MAML1: variants seen among roughly 807,000 people sequenced by gnomAD.
MAML1 encodes mastermind-like protein 1.
Under a neutral mutation model 77.1 loss-of-function variants are expected in MAML1, and 14 were observed. The observed-to-expected ratio is 0.18, with a 90% CI of 0.12 to 0.28. The LOEUF (loss-of-function observed/expected upper bound fraction) is 0.28. Ranked by LOEUF, MAML1 falls within the 10% of genes least tolerant of loss-of-function variation. The pLI is 1.00. For synonymous variants in MAML1, 516 were observed against 551.9 expected (o/e 0.93, Z 0.91); for missense variants, 1,217 against 1,327.8 (o/e 0.92, Z 1.30).
intron 1 of MAML1, 48 bp from the exon 2 acceptor site, chr5:179,765,278 A>G (rs377200438): frequency 4.7e-6 from 7 of 1,504,130 alleles, no homozygotes; most frequent in African/African-American, 1.4e-5. Context: ...CTGTCATAGC[A>G]GAGCAAATTC....
rs979802336 is a variant in MAML1, at chr5:179,774,752, G to A, written c.2926G>A (p.Gly976Arg). 90 of 1,613,034 alleles carry A rather than the reference G, an allele frequency of 5.6e-5. No individual in the cohort carries two copies. The highest frequency in any genetic ancestry group is 7.2e-5 in the Non-Finnish European group (85 of 1,180,028). The change falls in exon 5 of 5, where the codon GGG (glycine) becomes AGG (arginine). Residue 976 changes from glycine (G) to arginine (R), a missense_variant. Physicochemically the swap from Gly to Arg is moderately radical, Grantham distance 125. Coordinates refer to ENST00000292599, the MANE Select transcript of MAML1 (RefSeq NM_014757.5). ...AGQELPFAYSGQPGGSGLSSV... is the reference protein window; with the variant it reads ...AGQELPFAYSRQPGGSGLSSV... ...CCAGGAGCTGCCTTTTGCCTATAGC[G>A]GGCAGCCAGGTGGCAGTGGGCTCTC... is the stretch of plus-strand genomic sequence containing the variant.
chr5:179,756,409 CGACA>C (rs1562562899), intron 1 of MAML1, among the ~76,000 whole-genome samples: 1 of 142,798 alleles, frequency 7.0e-6, no homozygotes, highest in Admixed American at 7.4e-5. Context: ...TGGGCCTGGG[CGACA>C]GACAGAGCGG....
chr5:179,746,751 C>A (rs1562552964), intron 1 of MAML1, among the ~76,000 whole-genome samples: 2 of 152,226 alleles, frequency 1.3e-5, no homozygotes, highest in African/African-American at 4.8e-5. Context: ...ATTAACTTAT[C>A]AGTTGACAAC....
intron 1 of MAML1, among the ~76,000 whole-genome samples, chr5:179,764,622 T>C (rs1433732121): frequency 6.7e-6 from 1 of 148,646 alleles, no homozygotes; most frequent in African/African-American, 2.5e-5. Flanking sequence ...ATCACGCCAT[T>C]GCACTCCAGC....
chr5:179,733,689 G>A (rs1220164773), intron 1 of MAML1, among the ~76,000 whole-genome samples: 2 of 152,250 alleles, frequency 1.3e-5, no homozygotes, highest in Non-Finnish European at 2.9e-5. Flanking sequence ...TAACCGGAGG[G>A]TTTTTCTTCC....
chr5:179,737,772 T>C (rs368242100), intron 1 of MAML1, among the ~76,000 whole-genome samples: 1 of 152,246 alleles, frequency 6.6e-6, no homozygotes, highest in East Asian at 1.9e-4. Flanking sequence ...TTTTTCTCTA[T>C]TCTAATTTTC....
intron 1 of MAML1, among the ~76,000 whole-genome samples, chr5:179,734,638 C>T (rs1268275631): frequency 2.6e-5 from 4 of 152,114 alleles, no homozygotes; most frequent in African/African-American, 9.7e-5. Flanking sequence ...ATTATCGCCC[C>T]GTGTTCTTTC....
intron 1 of MAML1, among the ~76,000 whole-genome samples, chr5:179,764,986 AATATATATATG>A (rs1168977968): frequency 1.0e-5 from 1 of 100,262 alleles, no homozygotes; most frequent in Non-Finnish European, 2.2e-5. Flanking sequence ...ATATATATAT[AATATATATATG>A]TGTGTGTGTG....
intron 1 of MAML1, among the ~76,000 whole-genome samples, chr5:179,743,905 T>C (rs971541638): frequency 6.6e-6 from 1 of 152,174 alleles, no homozygotes; most frequent in Non-Finnish European, 1.5e-5. Context: ...GGTATATAAC[T>C]TCCAGAGAAT....
intron 1 of MAML1, among the ~76,000 whole-genome samples, chr5:179,735,532 T>G (rs922252031): frequency 6.7e-6 from 1 of 149,618 alleles, no homozygotes; most frequent in African/African-American, 2.5e-5. Flanking sequence ...GGATTACAGG[T>G]GCTGGCCACC....
Position 179,732,883 on chromosome 5 carries a change from C to T in MAML1, c.-230C>T, listed in dbSNP as rs978989287. On this transcript the variant is annotated 5_prime_UTR_variant, in exon 1 of 5. Transcript: ENST00000292599. Reference sequence around the variant, plus strand: ...GCGGTAGCGCGGAAAACAATGGGGCCGGGGCGGTGGGGAGAGGCCGAGGCT... The same window carrying T: ...GCGGTAGCGCGGAAAACAATGGGGCTGGGGCGGTGGGGAGAGGCCGAGGCT... 1 of 264,404 alleles carries T rather than the reference C, an allele frequency of 3.8e-6. No homozygotes were observed. The highest frequency in any genetic ancestry group is 7.1e-6 in the Non-Finnish European group (1 of 141,386). The allele number at this position is 264,404 out of a possible 1,614,324, so 16.4% of individuals were successfully genotyped here. A position where few individuals can be genotyped will look rare whatever the true frequency, so the allele number is the denominator to read the frequency against.
intron 1 of MAML1, among the ~76,000 whole-genome samples, chr5:179,736,805 T>TA (rs753328700): frequency 6.6e-6 from 1 of 151,508 alleles, no homozygotes; most frequent in Admixed American, 6.6e-5. Flanking sequence ...CTACTAAAAA[T>TA]ACAAAAATTA....
chr5:179,745,158 G>T (rs973615874), intron 1 of MAML1, among the ~76,000 whole-genome samples: 3 of 151,878 alleles, frequency 2.0e-5, no homozygotes, highest in African/African-American at 7.2e-5. Context: ...GCCTGCCTCG[G>T]CCTCCCAAAG....
chr5:179,751,964 A>G (rs1779496475), intron 1 of MAML1, among the ~76,000 whole-genome samples: 1 of 152,070 alleles, frequency 6.6e-6, no homozygotes, highest in African/African-American at 2.4e-5. Flanking sequence ...TGATTGCACC[A>G]CTGCACTCCA....
rs1261105234 is a variant in MAML1, at chr5:179,769,585, T to G, written c.1971+496T>G. 1.3e-5 allele frequency among the ~76,000 whole-genome samples: 2 copies of G among 152,102 alleles called. No homozygotes were observed. Among genetic ancestry groups the G allele is most frequent in the African/African-American group, 4.8e-5 (2 of 41,428 alleles). On this transcript the variant is annotated intron_variant, in intron 3 of 4. Transcript: ENST00000292599. The surrounding 1 kb of genome is among the most constrained non-coding windows in gnomAD (Gnocchi z 4.2). ...TTTTTTTTTTTTGGAGACAGAGTCT[T>G]GCTGTCACCCAGGCTGGACTGCAGT...
Position 179,766,075 on chromosome 5 carries a change from G to T in MAML1, c.1065G>T (p.Arg355=). 1 of 1,587,232 alleles carries T rather than the reference G, an allele frequency of 6.3e-7. No individual in the cohort carries two copies. The highest frequency in any genetic ancestry group is 8.6e-7 in the Non-Finnish European group (1 of 1,168,030). ...TATTCCACACCTCTGGTCAGCCCCG[G>T]GCGGACAATCCCAGTCCAAACCTGA... The part of the protein sequence containing the change: ...QTLFHTSGQP[R]ADNPSPNLMP... Residue 355 remains arginine (R), a synonymous_variant, in exon 2 of 5, where the codon CGG becomes CGT. Transcript: ENST00000292599. This position sits in a 1 kb window ranked among gnomAD's most constrained non-coding sequence, Gnocchi z 4.0.
At chr5:179,757,272 A>G (rs966376534) in intron 1 of MAML1, among the ~76,000 whole-genome samples, 4 of 151,852 alleles carry the variant, frequency 2.6e-5, no homozygotes, top group African/African-American at 9.7e-5. Context: ...TGGTATTAGA[A>G]TTATAGCAAT....
At position 179,775,288 on chromosome 5, in the gene MAML1, T is replaced by C. The variant is rs1005804543; in HGVS notation, c.*411T>C. 9.0e-6 allele frequency: 9 copies of C among 995,796 alleles called. No homozygotes were observed. The African/African-American group carries it at 1.6e-4, about 17-fold the overall frequency. 61.7% of individuals were successfully genotyped at this position (995,796 alleles called of 1,614,324 possible). A position where few individuals can be genotyped will look rare whatever the true frequency, so the allele number is the denominator to read the frequency against. On this transcript the variant is annotated 3_prime_UTR_variant, in exon 5 of 5. Coordinates refer to ENST00000292599, the MANE Select transcript of MAML1 (RefSeq NM_014757.5). ...TGGGGACAAGTTTCTGTTGAAACTT[T>C]AGATAGCAGAATTATTTGCAATTTG...
chr5:179,752,337 AAAAAAAAAAAAAAAT>A (rs1378942869), intron 1 of MAML1, among the ~76,000 whole-genome samples: 5 of 110,790 alleles, frequency 4.5e-5, no homozygotes, highest in African/African-American at 1.4e-4. Flanking sequence ...AAAAAAAAAA[AAAAAAAAAAAAAAAT>A]ATATATATAT....
Sources: gnomAD v4.1 joint callset for allele counts (sites outside exome capture counted in the v4.1 genomes callset) on GRCh38, gnomAD v4.1.1 for gene constraint, Gnocchi (gnomAD v3.1) non-coding constraint, MANE v1.5 for transcripts, NCBI Gene and HGNC (gene_info 2026-07-23, HGNC 2026-07-21) for gene names.